PTPRZ1: variants seen among roughly 807,000 people sequenced by gnomAD.
PTPRZ1 encodes the protein receptor-type tyrosine-protein phosphatase zeta.
In PTPRZ1, 82 loss-of-function variants were observed where a neutral mutation model predicts 214.1. The ratio of observed to expected loss-of-function variants is 0.38; its 90% CI spans 0.32 to 0.46. The LOEUF is 0.46. PTPRZ1 is among the 20% of genes least tolerant of loss of function. The pLI, the probability that PTPRZ1 is intolerant of heterozygous loss-of-function variation, is 1.00. For synonymous variants in PTPRZ1, 945 were observed against 987.9 expected (o/e 0.96, Z 0.81); for missense variants, 2,603 against 2,748.7 (o/e 0.95, Z 1.19).
At chr7:122,003,145 A>G (rs531036299) in intron 10 of PTPRZ1, among the ~76,000 whole-genome samples, 20 of 152,216 alleles carry the variant, frequency 1.3e-4, no homozygotes, top group Non-Finnish European at 2.6e-4. Flanking sequence ...AAGAATAAAG[A>G]GCATGAAGAA....
chr7:121,949,399 G>A (rs1414629006), intron 2 of PTPRZ1, among the ~76,000 whole-genome samples: 3 of 152,028 alleles, frequency 2.0e-5, no homozygotes, highest in Non-Finnish European at 4.4e-5. Context: ...AAAGTACCAC[G>A]CACATATGAA....
intron 13 of PTPRZ1, among the ~76,000 whole-genome samples, chr7:122,024,186 C>T (rs2116700348): frequency 6.6e-6 from 1 of 151,612 alleles, no homozygotes; most frequent in Non-Finnish European, 1.5e-5. Flanking sequence ...TTTACATGGG[C>T]CATACCATAA....
chr7:121,948,442 C>G (rs942659296), intron 2 of PTPRZ1, among the ~76,000 whole-genome samples: 2 of 152,056 alleles, frequency 1.3e-5, no homozygotes, highest in African/African-American at 4.8e-5. Flanking sequence ...GCAGTGAAAC[C>G]CCATGTCTAT....
intron 13 of PTPRZ1, among the ~76,000 whole-genome samples, chr7:122,024,597 A>T (rs1799154233): frequency 6.8e-6 from 1 of 147,002 alleles, no homozygotes. Flanking sequence ...TACTATTTTA[A>T]TTTTTTTTTT....
At chr7:121,883,550 T>C (rs998669854) in intron 1 of PTPRZ1, among the ~76,000 whole-genome samples, 2 of 152,232 alleles carry the variant, frequency 1.3e-5, no homozygotes, top group Non-Finnish European at 2.9e-5. Flanking sequence ...TTGTATTTTA[T>C]ATAAAAATAG....
At chr7:121,947,817 T>C (rs1261369278) in intron 2 of PTPRZ1, among the ~76,000 whole-genome samples, 1 of 152,116 alleles carries the variant, frequency 6.6e-6, no homozygotes, top group Non-Finnish European at 1.5e-5. Flanking sequence ...TAACATATCA[T>C]TTTGGGTTCT....
chr7:121,996,776 A>G (rs1161485493), intron 9 of PTPRZ1, among the ~76,000 whole-genome samples: 2 of 152,242 alleles, frequency 1.3e-5, no homozygotes, highest in Non-Finnish European at 2.9e-5. Flanking sequence ...TTAAATGGAT[A>G]TCATAACTTT....
chr7:121,943,496 C>T (rs914422667), intron 2 of PTPRZ1, among the ~76,000 whole-genome samples: 20 of 151,782 alleles, frequency 1.3e-4, no homozygotes, highest in Admixed American at 7.9e-4. Context: ...CCACCATGCC[C>T]GGCTAATTTT....
rs537429120 is a variant in PTPRZ1 at position 121,918,041 on chromosome 7, C to CA, written c.59-10115_59-10114insA. The stretch of plus-strand genomic sequence containing the variant: ...GAATAAAGGTTTCTTATTTCTAGAC[C>CA]GGCTAAAAAAAAAAAAAAAAGGAAT... On this transcript the variant is annotated intron_variant, in intron 1 of 29. Coordinates refer to ENST00000393386, the MANE Select transcript of PTPRZ1 (RefSeq NM_002851.3). Among the ~76,000 whole-genome samples, 395 of 150,718 alleles carry CA rather than the reference C, an allele frequency of 2.6e-3. 1 individual carries two copies. Among genetic ancestry groups the CA allele is most frequent in the African/African-American group, 8.5e-3 (349 of 41,298 alleles).
At chr7:122,041,525 G>T (rs1799734360) in intron 21 of PTPRZ1, among the ~76,000 whole-genome samples, 1 of 147,818 alleles carries the variant, frequency 6.8e-6, no homozygotes, top group Admixed American at 6.6e-5. Context: ...TCAATTCATT[G>T]TTGCCAAGAT....
chr7:121,976,896 A>G, intron 6 of PTPRZ1, 45 bp downstream of exon 6: 2 of 1,514,940 alleles, frequency 1.3e-6, no homozygotes, highest in Non-Finnish European at 1.8e-6. Context: ...TCTGCTTTGG[A>G]TGGATAAGAA....
intron 14 of PTPRZ1, 23 bp from the exon 15 acceptor site, chr7:122,031,451 A>C: frequency 6.4e-7 from 1 of 1,574,224 alleles, no homozygotes; most frequent in African/African-American, 1.3e-5. Context: ...ATGCTCTCTA[A>C]CACAATTTTT....
chr7:121,874,271 C>T (rs1044388254), intron 1 of PTPRZ1, among the ~76,000 whole-genome samples: 2 of 152,196 alleles, frequency 1.3e-5, no homozygotes, highest in South Asian at 4.1e-4. Context: ...CATCTGCACC[C>T]TCCAGGTTAC....
intron 1 of PTPRZ1, among the ~76,000 whole-genome samples, chr7:121,890,499 C>A (rs1794557735): frequency 6.6e-6 from 1 of 152,140 alleles, no homozygotes; most frequent in Non-Finnish European, 1.5e-5. Context: ...GGTCTCCCTA[C>A]TTCACCATAC....
At chr7:121,953,585 A>G (rs1796622162) in intron 2 of PTPRZ1, among the ~76,000 whole-genome samples, 1 of 152,270 alleles carries the variant, frequency 6.6e-6, no homozygotes, top group African/African-American at 2.4e-5. Context: ...TCTCTTGTAC[A>G]GAATCATCAG....
rs368828093 is a variant in PTPRZ1, at chr7:122,004,596, T to C, written c.1241-18T>C. On this transcript the variant is annotated intron_variant, in intron 10 of 29. Transcript: ENST00000393386. ...TAGTTGAATAAAAACTTTAATAATT[T>C]TGTTTTTAATTTTGTAGAACTTGAT... The C allele has an allele frequency of 1.3e-4, 171 of 1,267,490 alleles. No homozygotes were observed. Among genetic ancestry groups the C allele is most frequent in the Non-Finnish European group, 1.8e-4 (162 of 902,674 alleles). 78.5% of individuals were successfully genotyped at this position (1,267,490 alleles called of 1,614,324 possible).
Position 121,968,128 on chromosome 7 carries a change from C to G in PTPRZ1, c.302C>G (p.Thr101Arg). ...ENTFIHNTGKTVEINLTNDYR... is the reference protein window; with the variant it reads ...ENTFIHNTGKRVEINLTNDYR... ...ACATTCATTCATAACACTGGGAAAA[C>G]AGGTAAAATATTTGCATTCTGTTTG... The change falls in exon 3 of 30, where the codon ACA becomes AGA. Residue 101 changes from threonine (T) to arginine (R), a missense_variant and splice_region_variant. Coordinates refer to ENST00000393386, the MANE Select transcript of PTPRZ1 (RefSeq NM_002851.3). 1 of 1,591,944 alleles carries G rather than the reference C, an allele frequency of 6.3e-7. No individual in the cohort carries two copies. Among genetic ancestry groups the G allele is most frequent in the Non-Finnish European group, 8.5e-7 (1 of 1,171,782 alleles).
At chr7:121,957,920 G>A (rs540078829) in intron 2 of PTPRZ1, among the ~76,000 whole-genome samples, 3 of 152,100 alleles carry the variant, frequency 2.0e-5, no homozygotes, top group South Asian at 2.1e-4. Context: ...TCTTTCCTCC[G>A]TTAGGCTAAT....
intron 13 of PTPRZ1, among the ~76,000 whole-genome samples, chr7:122,023,960 T>C (rs368048437): frequency 6.6e-6 from 1 of 150,974 alleles, no homozygotes; most frequent in East Asian, 1.9e-4. Flanking sequence ...CAGATTACCA[T>C]TGATTGATAG....
Sources: allele counts gnomAD v4.1 joint callset (sites outside exome capture counted in the v4.1 genomes callset), GRCh38; gene constraint gnomAD v4.1.1; transcripts MANE v1.5; gene names NCBI Gene and HGNC (gene_info 2026-07-23, HGNC 2026-07-21).